The following PTPRD variants were observed in gnomAD, a reference collection of about 807,000 sequenced individuals.
PTPRD encodes the protein protein tyrosine phosphatase receptor type D.
A neutral mutation model predicts 214.5 loss-of-function variants in PTPRD; 34 were observed. The observed-to-expected ratio is 0.16, with a 90% CI of 0.12 to 0.21. The LOEUF is 0.21. Ranked by LOEUF, PTPRD falls within the 10% of genes least tolerant of loss-of-function variation. PTPRD has a pLI of 1.00. For synonymous variants in PTPRD, 1,128 were observed against 845.7 expected (o/e 1.33, Z -5.79); for missense variants, 2,545 against 2,398.7 (o/e 1.06, Z -1.27).
At position 10,232,591 on chromosome 9, in the gene PTPRD, C is replaced by T. The variant is rs529425869; in HGVS notation, c.-545+108372G>A. Among the ~76,000 whole-genome samples the T allele has an allele frequency of 2.6e-5, 4 of 152,080 alleles. No individual in the cohort carries two copies. In the East Asian group the frequency reaches 7.8e-4, roughly 30 times the overall value. On this transcript the variant is annotated intron_variant, in intron 3 of 45. Transcript: ENST00000381196. ...TTTGCATAGATAATAAAGATGTTTG[C>T]ATCTCCAGAGTCTTGTAATTACCTT... is the stretch of plus-strand genomic sequence containing the variant.
At chr9:9,118,275 G>A (rs112557732) in intron 10 of PTPRD, among the ~76,000 whole-genome samples, 6 of 152,254 alleles carry the variant, frequency 3.9e-5, no homozygotes, top group Non-Finnish European at 5.9e-5. Flanking sequence ...TTATTAGCAG[G>A]ATCTACCTGA....
chr9:8,630,620 T>C (rs921744821), intron 14 of PTPRD, among the ~76,000 whole-genome samples: 4 of 151,846 alleles, frequency 2.6e-5, no homozygotes, highest in Non-Finnish European at 5.9e-5. Context: ...TTTAAAAAAA[T>C]GGAAAGGGTT....
intron 8 of PTPRD, among the ~76,000 whole-genome samples, chr9:9,531,575 T>C (rs1236823486): frequency 6.6e-6 from 1 of 152,186 alleles, no homozygotes; most frequent in African/African-American, 2.4e-5. Flanking sequence ...GGTGCATCCG[T>C]GTTCTAGCAT....
intron 2 of PTPRD, among the ~76,000 whole-genome samples, chr9:10,477,767 T>C (rs140947832): frequency 6.6e-6 from 1 of 152,222 alleles, no homozygotes; most frequent in Non-Finnish European, 1.5e-5. Flanking sequence ...AAAGATAATG[T>C]GACACATATA....
At chr9:8,505,088 T>C (rs1384498911) in intron 22 of PTPRD, among the ~76,000 whole-genome samples, 1 of 152,084 alleles carries the variant, frequency 6.6e-6, no homozygotes, top group Non-Finnish European at 1.5e-5. Context: ...AGAAAAAAAA[T>C]AGATTCACAA....
chr9:8,897,580 A>G (rs915834200), intron 11 of PTPRD, among the ~76,000 whole-genome samples: 4 of 152,158 alleles, frequency 2.6e-5, no homozygotes, highest in African/African-American at 9.7e-5. Context: ...TGCACCAGTA[A>G]AACAACACAG....
intron 5 of PTPRD, among the ~76,000 whole-genome samples, chr9:9,875,532 C>G (rs571792046): frequency 1.3e-5 from 2 of 152,152 alleles, no homozygotes; most frequent in South Asian, 2.1e-4. Context: ...CTCTCAGGAC[C>G]ACCAACTTAG....
chr9:10,069,120 T>C (rs2097942249), intron 3 of PTPRD, among the ~76,000 whole-genome samples: 1 of 152,014 alleles, frequency 6.6e-6, no homozygotes, highest in African/African-American at 2.4e-5. Flanking sequence ...AAAATGGCTT[T>C]CATCATTCTG....
chr9:10,135,282 T>C (rs576811497), intron 3 of PTPRD, among the ~76,000 whole-genome samples: 1 of 152,162 alleles, frequency 6.6e-6, no homozygotes, highest in African/African-American at 2.4e-5. Context: ...AGTAGAGAGA[T>C]TAAGCAACTT....
Position 8,904,726 on chromosome 9 carries a change from C to G in PTPRD, c.-104+113971G>C, listed in dbSNP as rs184607261. Reference sequence around the variant, plus strand: ...AGTTGGTCATGTTAAATATTATTTGCAAAACACATAATCGTATATTACTGT... The same window carrying G: ...AGTTGGTCATGTTAAATATTATTTGGAAAACACATAATCGTATATTACTGT... On this transcript the variant is annotated intron_variant, in intron 11 of 45. Coordinates refer to ENST00000381196, the MANE Select transcript of PTPRD (RefSeq NM_002839.4). 5.3e-5 allele frequency among the ~76,000 whole-genome samples: 8 copies of G among 150,112 alleles called. No individual in the cohort carries two copies. In the East Asian group the frequency reaches 1.6e-3, roughly 29 times the overall value.
intron 11 of PTPRD, among the ~76,000 whole-genome samples, chr9:8,798,142 T>A (rs985318399): frequency 6.6e-6 from 1 of 152,324 alleles, no homozygotes. Context: ...ACATTTTATA[T>A]GACTAAGTAT....
At chr9:9,558,522 G>C (rs868267018) in intron 8 of PTPRD, among the ~76,000 whole-genome samples, 2 of 152,094 alleles carry the variant, frequency 1.3e-5, no homozygotes, top group African/African-American at 2.4e-5. Flanking sequence ...ACATAGACAG[G>C]CTTGACCCAT....
At chr9:9,130,843 G>C (rs1347613819) in intron 10 of PTPRD, among the ~76,000 whole-genome samples, 1 of 152,104 alleles carries the variant, frequency 6.6e-6, no homozygotes, top group Non-Finnish European at 1.5e-5. Context: ...AGGATGGTTA[G>C]CATCGTATAT....
chr9:9,861,542 G>C (rs146533321), intron 5 of PTPRD, among the ~76,000 whole-genome samples: 1 of 152,104 alleles, frequency 6.6e-6, no homozygotes, highest in African/African-American at 2.4e-5. Context: ...CGCCCACCTC[G>C]GCCTCTCAAA....
intron 14 of PTPRD, among the ~76,000 whole-genome samples, chr9:8,628,051 G>C (rs571533696): frequency 6.6e-6 from 1 of 151,748 alleles, no homozygotes; most frequent in African/African-American, 2.4e-5. Flanking sequence ...TTCTGTGTTG[G>C]CCACCCTTCC....
At chr9:8,979,954 A>G (rs1589239048) in intron 11 of PTPRD, among the ~76,000 whole-genome samples, 1 of 152,130 alleles carries the variant, frequency 6.6e-6, no homozygotes, top group African/African-American at 2.4e-5. Context: ...AAAGTATGGA[A>G]ACAACGTAAA....
At chr9:10,130,591 C>G (rs1336112415) in intron 3 of PTPRD, among the ~76,000 whole-genome samples, 1 of 151,992 alleles carries the variant, frequency 6.6e-6, no homozygotes, top group African/African-American at 2.4e-5. Flanking sequence ...GCATTAAACA[C>G]AAAGGTCTGT....
chr9:9,089,460 C>T (rs2099772330), intron 10 of PTPRD, among the ~76,000 whole-genome samples: 1 of 152,056 alleles, frequency 6.6e-6, no homozygotes, highest in Middle Eastern at 3.2e-3. Flanking sequence ...CTGCGGCAGG[C>T]CATTTAACCT....
chr9:9,807,452 G>A (rs918495241), intron 5 of PTPRD, among the ~76,000 whole-genome samples: 1 of 152,100 alleles, frequency 6.6e-6, no homozygotes, highest in Non-Finnish European at 1.5e-5. Flanking sequence ...TAGGAAGCTT[G>A]TGGGAAGATT....
Sources: allele counts gnomAD v4.1 joint callset (sites outside exome capture counted in the v4.1 genomes callset), GRCh38; gene constraint gnomAD v4.1.1; transcripts MANE v1.5; gene names NCBI Gene and HGNC (gene_info 2026-07-23, HGNC 2026-07-21).